ADCK1: variants seen among roughly 807,000 people sequenced by gnomAD.
ADCK1 encodes the protein aarF domain containing kinase 1.
Under a neutral mutation model 52.3 loss-of-function variants are expected in ADCK1, and 41 were observed. The observed-to-expected ratio is 0.78, with a 90% CI of 0.61 to 1.02. ADCK1 has a LOEUF of 1.02. Among genes scored for constraint, ADCK1 ranks in the 50% least tolerant of loss-of-function variants. ADCK1 has a pLI of 0.00. For synonymous variants in ADCK1, 250 were observed against 274.6 expected (o/e 0.91, Z 0.89); for missense variants, 658 against 679.5 (o/e 0.97, Z 0.35).
At chr14:77,824,039 C>T (rs544633194) in intron 3 of ADCK1, among the ~76,000 whole-genome samples, 8 of 152,208 alleles carry the variant, frequency 5.3e-5, no homozygotes, top group Non-Finnish European at 1.2e-4. Flanking sequence ...GCTGGAATTA[C>T]AGGTGCAGGC....
At chr14:77,867,213 G>T (rs1055426206) in intron 4 of ADCK1, among the ~76,000 whole-genome samples, 2 of 152,202 alleles carry the variant, frequency 1.3e-5, no homozygotes, top group South Asian at 4.1e-4. Context: ...GCGGTCTGTA[G>T]ACTTGCTTCT....
intron 4 of ADCK1, among the ~76,000 whole-genome samples, chr14:77,885,439 G>A (rs1057494834): frequency 6.6e-6 from 1 of 152,208 alleles, no homozygotes; most frequent in Non-Finnish European, 1.5e-5. Context: ...TTCCTCATGT[G>A]GCCTGGGCCT....
chr14:77,802,902 C>A (rs1482179181), intron 1 of ADCK1, among the ~76,000 whole-genome samples: 1 of 151,848 alleles, frequency 6.6e-6, no homozygotes, highest in Admixed American at 6.6e-5. Context: ...TGCAGTGAGC[C>A]GAGATTGCGC....
At chr14:77,926,052 G>A in intron 9 of ADCK1, 91 bp downstream of exon 9, 2 of 1,446,152 alleles carry the variant, frequency 1.4e-6, no homozygotes, top group South Asian at 2.3e-5. Flanking sequence ...AGGTCTAAGA[G>A]TCTAGACTGG....
At chr14:77,800,191 G>A (rs945421220) in intron 1 of ADCK1, 21 bp downstream of exon 1, 1 of 152,324 alleles carries the variant, frequency 6.6e-6, no homozygotes, top group Non-Finnish European at 1.5e-5. Context: ...GCAGCTCGCC[G>A]GAGGCCGGCG....
At chr14:77,836,761 C>CTCCT (rs1416079646) in intron 3 of ADCK1, among the ~76,000 whole-genome samples, 1 of 125,422 alleles carries the variant, frequency 8.0e-6, no homozygotes, top group Admixed American at 8.9e-5. Context: ...TCTACCTTTT[C>CTCCT]TTTCTTTCTT....
At chr14:77,869,251 G>A (rs781719139) in intron 4 of ADCK1, among the ~76,000 whole-genome samples, 11 of 152,210 alleles carry the variant, frequency 7.2e-5, no homozygotes, top group Non-Finnish European at 1.6e-4. Flanking sequence ...CTGAGATCAA[G>A]GTATCAGCAG....
chr14:77,906,624 T>C (rs2083672030), intron 6 of ADCK1, among the ~76,000 whole-genome samples: 1 of 152,212 alleles, frequency 6.6e-6, no homozygotes, highest in Non-Finnish European at 1.5e-5. Context: ...TACTGACATA[T>C]GGTTTTGGTG....
intron 4 of ADCK1, among the ~76,000 whole-genome samples, chr14:77,875,948 G>T (rs1411113085): frequency 1.3e-5 from 2 of 152,090 alleles, no homozygotes; most frequent in Non-Finnish European, 2.9e-5. Context: ...CAGCTTTCCA[G>T]CCCCACCATG....
intron 4 of ADCK1, among the ~76,000 whole-genome samples, chr14:77,878,577 A>C (rs1057317711): frequency 1.3e-5 from 2 of 152,190 alleles, no homozygotes; most frequent in Non-Finnish European, 2.9e-5. Context: ...GTGGTGGGGC[A>C]TAAGCACTTG....
chr14:77,841,752 G>A (rs1346226964), intron 3 of ADCK1, among the ~76,000 whole-genome samples: 3 of 150,624 alleles, frequency 2.0e-5, no homozygotes, highest in Non-Finnish European at 4.4e-5. Flanking sequence ...GCTGAGGCAG[G>A]AGAATAGCTT....
intron 1 of ADCK1, among the ~76,000 whole-genome samples, chr14:77,805,821 A>G (rs920714438): frequency 5.9e-5 from 9 of 151,932 alleles, no homozygotes; most frequent in African/African-American, 2.2e-4. Context: ...AAAACCTCCC[A>G]ATCTTAGGTT....
intron 4 of ADCK1, among the ~76,000 whole-genome samples, chr14:77,879,689 A>G (rs1476952421): frequency 6.6e-6 from 1 of 152,200 alleles, no homozygotes; most frequent in Admixed American, 6.5e-5. Flanking sequence ...CCCTAGCTGC[A>G]TGTGTAGGCT....
intron 4 of ADCK1, among the ~76,000 whole-genome samples, chr14:77,867,308 T>C (rs1291361065): frequency 6.6e-6 from 1 of 152,158 alleles, no homozygotes; most frequent in African/African-American, 2.4e-5. Flanking sequence ...AAATGAATAT[T>C]CTGGGAATGG....
At chr14:77,880,102 G>GT (rs1435424083) in intron 4 of ADCK1, among the ~76,000 whole-genome samples, 1 of 152,218 alleles carries the variant, frequency 6.6e-6, no homozygotes, top group East Asian at 1.9e-4. Context: ...GCTGATAGAC[G>GT]TGTCTCAGAG....
In ADCK1 at chr14:77,925,759, C is replaced by G. The variant is rs1490023560; in HGVS notation, c.1009-5C>G. 1 of 1,613,974 alleles carries G rather than the reference C, an allele frequency of 6.2e-7. No homozygotes were observed. The highest frequency in any genetic ancestry group is 8.5e-7 in the Non-Finnish European group (1 of 1,179,858). On this transcript the variant is annotated splice_polypyrimidine_tract_variant and splice_region_variant and intron_variant, in intron 8 of 10. Coordinates refer to ENST00000238561, the MANE Select transcript of ADCK1 (RefSeq NM_020421.4). ...TAGGTCCCACCGCTGCCGCCTCCACCCTAGATGCTCACGGAAGAATTCCGC... is the reference window on the plus strand; with the variant it reads ...TAGGTCCCACCGCTGCCGCCTCCACGCTAGATGCTCACGGAAGAATTCCGC...
intron 3 of ADCK1, among the ~76,000 whole-genome samples, chr14:77,855,551 C>A (rs1454841475): frequency 2.0e-5 from 3 of 152,166 alleles, no homozygotes; most frequent in African/African-American, 7.2e-5. Flanking sequence ...TTACAAACTG[C>A]AACTTGTTTT....
intron 9 of ADCK1, among the ~76,000 whole-genome samples, chr14:77,928,911 C>T (rs1469045005): frequency 6.6e-6 from 1 of 152,160 alleles, no homozygotes; most frequent in Non-Finnish European, 1.5e-5. Context: ...ACACCATGCC[C>T]CTTGTAGTTA....
chr14:77,867,338 C>T (rs555188209), intron 4 of ADCK1, among the ~76,000 whole-genome samples: 1 of 152,292 alleles, frequency 6.6e-6, no homozygotes, highest in African/African-American at 2.4e-5. Context: ...ATCTGGTGGC[C>T]ATGAAGCCAT....
Sources: allele counts gnomAD v4.1 joint callset (sites outside exome capture counted in the v4.1 genomes callset), GRCh38; gene constraint gnomAD v4.1.1; transcripts MANE v1.5; gene names NCBI Gene and HGNC (gene_info 2026-07-23, HGNC 2026-07-21).